ATP6V0E1: variants seen among roughly 807,000 people sequenced by gnomAD.
ATP6V0E1 encodes the protein V-type proton ATPase subunit e 1.
Under a neutral mutation model 11.6 loss-of-function variants are expected in ATP6V0E1, and 4 were observed. That is an observed-to-expected ratio of 0.35 (90% CI 0.17 to 0.79). The LOEUF (loss-of-function observed/expected upper bound fraction) is 0.79. Among genes scored for constraint, ATP6V0E1 ranks in the 30% least tolerant of loss-of-function variants. The probability of loss-of-function intolerance (pLI) is 0.54; values close to 1 mark genes in which losing one functional copy is unlikely to be tolerated. For missense variants in ATP6V0E1, 105 were observed against 100.0 expected (o/e 1.05, Z -0.21); for synonymous variants, 36 against 34.8 (o/e 1.04, Z -0.13).
intron 1 of ATP6V0E1, among the ~76,000 whole-genome samples, chr5:172,989,530 A>AT (rs554701143): frequency 0.073 from 10,606 of 144,466 alleles, 1,182 homozygotes; most frequent in African/African-American, 0.24. Context: ...CTTACTGAAG[A>AT]TTTTTTTTTT....
chr5:173,031,603 G>A (rs189117908), intron 3 of ATP6V0E1, among the ~76,000 whole-genome samples: 5 of 150,832 alleles, frequency 3.3e-5, no homozygotes, highest in African/African-American at 1.2e-4. Flanking sequence ...CGGATCACGA[G>A]GTCAGGAGAT....
At position 172,983,818 on chromosome 5, in the gene ATP6V0E1, C is replaced by T. The variant is rs762654654; in HGVS notation, c.-43C>T. 3 of 1,583,840 alleles carry T rather than the reference C, an allele frequency of 1.9e-6. No homozygotes were observed. The highest frequency in any genetic ancestry group is 1.7e-4 in the Middle Eastern group (1 of 5,758). ...GCTATTGACACTTCCTGGTGGGATC[C>T]GAGTGAGGCGACGGGGTAGGGGTTG... On this transcript the variant is annotated 5_prime_UTR_variant, in exon 1 of 4. Coordinates refer to ENST00000519374, the MANE Select transcript of ATP6V0E1 (RefSeq NM_003945.4).
In ATP6V0E1 at chr5:173,020,295, T is replaced by G. The variant is rs1285210199; in HGVS notation, c.210T>G (p.Asn70Lys). 1 of 1,613,964 alleles carries G rather than the reference T, an allele frequency of 6.2e-7. No individual in the cohort carries two copies. Among genetic ancestry groups the G allele is most frequent in the Non-Finnish European group, 8.5e-7 (1 of 1,179,868 alleles). ...CTCTCTTTGGACCGCAATTGAAAAA[T>G]GAAACCATCTGGTATCTGAAGTATC... The part of the protein sequence containing the change: ...LNPLFGPQLK[N>K]ETIWYLKYHW... The change falls in exon 3 of 4, where the codon AAT (asparagine) becomes AAG (lysine). Residue 70 changes from asparagine to lysine, a missense_variant. Physicochemically the swap from Asn to Lys is moderately conservative, Grantham distance 94. Coordinates refer to ENST00000519374, the MANE Select transcript of ATP6V0E1 (RefSeq NM_003945.4).
In ATP6V0E1 at chr5:172,983,839, G is replaced by A. The variant is rs1431595891; in HGVS notation, c.-22G>A. 6.2e-7 allele frequency: 1 copy of A among 1,610,604 alleles called. No homozygotes were observed. Among genetic ancestry groups the A allele is most frequent in the Non-Finnish European group, 8.5e-7 (1 of 1,177,284 alleles). On this transcript the variant is annotated 5_prime_UTR_variant, in exon 1 of 4. Transcript: ENST00000519374. ...GATCCGAGTGAGGCGACGGGGTAGGGGTTGGCGCTCAGGCGGCGACCATGG... is the reference window on the plus strand; with the variant it reads ...GATCCGAGTGAGGCGACGGGGTAGGAGTTGGCGCTCAGGCGGCGACCATGG...
chr5:173,008,297 C>CT (rs1756259932), intron 2 of ATP6V0E1, among the ~76,000 whole-genome samples: 1 of 146,232 alleles, frequency 6.8e-6, no homozygotes. Context: ...TTTTTCTTTT[C>CT]TTTTCTTTTT....
chr5:172,991,351 A>G (rs1163771578), intron 1 of ATP6V0E1, among the ~76,000 whole-genome samples: 3 of 152,210 alleles, frequency 2.0e-5, no homozygotes, highest in Non-Finnish European at 2.9e-5. Context: ...TGATACGTTA[A>G]TGAGGGAGCT....
intron 2 of ATP6V0E1, among the ~76,000 whole-genome samples, chr5:172,996,031 C>T (rs2113584603): frequency 6.6e-6 from 1 of 152,206 alleles, no homozygotes; most frequent in Admixed American, 6.5e-5. Context: ...CTGTTTAGTG[C>T]CCATGTAAGG....
intron 3 of ATP6V0E1, among the ~76,000 whole-genome samples, chr5:173,032,249 TTTTATTTATTTATTTATTTA>T (rs1205061181): frequency 1.5e-5 from 2 of 132,256 alleles, no homozygotes; most frequent in East Asian, 2.1e-4. Flanking sequence ...TTTTATTTTA[TTTTATTTATTTATTTATTTA>T]TTTATTTATT....
At chr5:173,007,725 G>T (rs1319224926) in intron 2 of ATP6V0E1, among the ~76,000 whole-genome samples, 1 of 152,150 alleles carries the variant, frequency 6.6e-6, no homozygotes, top group Non-Finnish European at 1.5e-5. Flanking sequence ...ACTTGGAAGG[G>T]ATTCAGACCT....
At chr5:173,025,565 C>T (rs1227912933) in intron 3 of ATP6V0E1, among the ~76,000 whole-genome samples, 1 of 119,868 alleles carries the variant, frequency 8.3e-6, no homozygotes, top group African/African-American at 3.4e-5. Flanking sequence ...GGCTGGAGTG[C>T]ATCACCACAA....
chr5:173,035,327 T>G lies in ATP6V0E1; in HGVS notation c.*965T>G, dbSNP rs12374589. 0.16 allele frequency: 24,848 copies of G among 152,070 alleles called. 2,321 individuals are homozygous for G. The highest frequency in any genetic ancestry group is 0.22 in the African/African-American group (9,295 of 41,454). 9.4% of individuals were successfully genotyped at this position (152,070 alleles called of 1,614,324 possible). On this transcript the variant is annotated 3_prime_UTR_variant, in exon 4 of 4. Coordinates refer to ENST00000519374, the MANE Select transcript of ATP6V0E1 (RefSeq NM_003945.4). Reference sequence around the variant, plus strand: ...TAGGACTAAAGAAGTCAAGAGTGATTAAAAAGCCAGGGGCAGGAGACAGTA... The same window carrying G: ...TAGGACTAAAGAAGTCAAGAGTGATGAAAAAGCCAGGGGCAGGAGACAGTA...
chr5:173,033,875 A>G (rs1731835358), intron 3 of ATP6V0E1, among the ~76,000 whole-genome samples: 1 of 152,074 alleles, frequency 6.6e-6, no homozygotes, highest in African/African-American at 2.4e-5. Flanking sequence ...AAAACAAAAA[A>G]AAAGATGGTG....
intron 3 of ATP6V0E1, 25 bp downstream of exon 3, chr5:173,020,392 A>T: frequency 1.5e-6 from 2 of 1,376,758 alleles, no homozygotes; most frequent in Non-Finnish European, 1.0e-6. Flanking sequence ...GACCTTTCTT[A>T]TCAGTATGGT....
intron 2 of ATP6V0E1, among the ~76,000 whole-genome samples, chr5:173,004,457 C>T (rs1756200249): frequency 6.6e-6 from 1 of 151,926 alleles, no homozygotes; most frequent in South Asian, 2.1e-4. Flanking sequence ...AGGGAAAGTG[C>T]TGGAAGAGGA....
chr5:173,005,698 C>T (rs1756218611), intron 2 of ATP6V0E1, among the ~76,000 whole-genome samples: 1 of 152,082 alleles, frequency 6.6e-6, no homozygotes, highest in African/African-American at 2.4e-5. Flanking sequence ...TTCCTTCTTA[C>T]TTTGGATTTA....
intron 1 of ATP6V0E1, among the ~76,000 whole-genome samples, chr5:172,992,696 G>C (rs1273626203): frequency 6.6e-6 from 1 of 152,044 alleles, no homozygotes. Context: ...TGACCATCTG[G>C]CATATATAGG....
At position 173,034,312 on chromosome 5, in the gene ATP6V0E1, T is replaced by G. The variant is rs1017177486; in HGVS notation, c.*37-87T>G. 2.0e-5 allele frequency: 14 copies of G among 694,672 alleles called. No homozygotes were observed. In the East Asian group the frequency reaches 2.7e-4, roughly 13 times the overall value. 43.0% of individuals were successfully genotyped at this position (694,672 alleles called of 1,614,324 possible). On this transcript the variant is annotated intron_variant, in intron 3 of 3. Coordinates refer to ENST00000519374, the MANE Select transcript of ATP6V0E1 (RefSeq NM_003945.4). ...TTGAGCATCTGTGCATTTTAAAGTG[T>G]TGGCTTGGTTAACTTTCTCGATGTT... is the stretch of plus-strand genomic sequence containing the variant.
intron 2 of ATP6V0E1, among the ~76,000 whole-genome samples, chr5:172,996,193 T>C (rs1272898748): frequency 1.3e-5 from 2 of 152,130 alleles, no homozygotes; most frequent in South Asian, 4.1e-4. Flanking sequence ...ATTTACCATA[T>C]AGCTGTGATT....
At chr5:173,019,114 CA>C (rs1756443321) in intron 2 of ATP6V0E1, among the ~76,000 whole-genome samples, 1 of 152,114 alleles carries the variant, frequency 6.6e-6, no homozygotes, top group South Asian at 2.1e-4. Flanking sequence ...TCAGCAAACA[CA>C]GTGAATTTTT....
Sources: allele counts gnomAD v4.1 joint callset (sites outside exome capture counted in the v4.1 genomes callset), GRCh38; gene constraint gnomAD v4.1.1; transcripts MANE v1.5; gene names NCBI Gene and HGNC (gene_info 2026-07-23, HGNC 2026-07-21).